FRMD5: variants seen among roughly 807,000 people sequenced by gnomAD.
FRMD5 encodes the protein FERM domain-containing protein 5.
FRMD5 carries 20 observed loss-of-function variants against 69.0 expected under a neutral mutation model. That is an observed-to-expected ratio of 0.29 (90% CI 0.20 to 0.42). The LOEUF (loss-of-function observed/expected upper bound fraction) is 0.42, where lower values mean the gene tolerates loss of function less well. FRMD5 is among the 10% of genes least tolerant of loss of function. The pLI is 1.00. For synonymous variants in FRMD5, 271 were observed against 260.1 expected (o/e 1.04, Z -0.40); for missense variants, 595 against 708.6 (o/e 0.84, Z 1.82).
chr15:44,143,752 C>T (rs142794142), intron 1 of FRMD5, among the ~76,000 whole-genome samples: 2 of 151,134 alleles, frequency 1.3e-5, no homozygotes, highest in African/African-American at 2.4e-5. Context: ...GGTGAAACCC[C>T]GTCTCCACTA....
At chr15:44,001,994 C>T (rs865808604) in intron 1 of FRMD5, among the ~76,000 whole-genome samples, 1 of 152,282 alleles carries the variant, frequency 6.6e-6, no homozygotes, top group Middle Eastern at 3.4e-3. Flanking sequence ...GTGCGAGCCA[C>T]CGCACCCAGT....
chr15:44,003,620 T>C (rs972281889), intron 1 of FRMD5, among the ~76,000 whole-genome samples: 7 of 152,324 alleles, frequency 4.6e-5, no homozygotes, highest in Non-Finnish European at 1.0e-4. Flanking sequence ...CCCTTGGCTA[T>C]GATTCCTCTG....
intron 1 of FRMD5, among the ~76,000 whole-genome samples, chr15:44,073,099 C>T (rs1445055604): frequency 6.6e-6 from 1 of 152,152 alleles, no homozygotes; most frequent in Non-Finnish European, 1.5e-5. Context: ...CATGCCACTG[C>T]ACTCCAGCCT....
chr15:44,052,030 T>C (rs1209576807), intron 1 of FRMD5, among the ~76,000 whole-genome samples: 2 of 152,126 alleles, frequency 1.3e-5, no homozygotes, highest in African/African-American at 4.8e-5. Context: ...TAAGTCACTA[T>C]GTACAGCCCA....
At chr15:44,181,588 C>G (rs767563325) in intron 1 of FRMD5, among the ~76,000 whole-genome samples, 1 of 152,066 alleles carries the variant, frequency 6.6e-6, no homozygotes, top group Non-Finnish European at 1.5e-5. Flanking sequence ...GCAACCCTCA[C>G]CACTAACTAA....
At chr15:44,002,064 T>A (rs1454833858) in intron 1 of FRMD5, among the ~76,000 whole-genome samples, 4 of 152,164 alleles carry the variant, frequency 2.6e-5, no homozygotes, top group Admixed American at 1.3e-4. Flanking sequence ...CCCCTTCAAG[T>A]TGTTTCCTGT....
At chr15:43,981,878 C>T (rs577828032) in intron 1 of FRMD5, among the ~76,000 whole-genome samples, 3 of 152,302 alleles carry the variant, frequency 2.0e-5, no homozygotes, top group East Asian at 3.9e-4. Context: ...TGTTTTAAAC[C>T]TTTAAACCTC....
At chr15:43,994,730 C>A (rs914488342) in intron 1 of FRMD5, among the ~76,000 whole-genome samples, 1 of 152,230 alleles carries the variant, frequency 6.6e-6, no homozygotes, top group Non-Finnish European at 1.5e-5. Context: ...CTGCACCCTG[C>A]GCTTAGCATT....
At chr15:44,065,042 TC>T (rs1893251274) in intron 1 of FRMD5, among the ~76,000 whole-genome samples, 1 of 152,338 alleles carries the variant, frequency 6.6e-6, no homozygotes, top group East Asian at 1.9e-4. Flanking sequence ...GAGCACAGGC[TC>T]TGGAGTCAGA....
upstream of FRMD5, among the ~76,000 whole-genome samples, chr15:44,196,732 T>A: frequency 8.1e-6 from 1 of 123,920 alleles, no homozygotes; most frequent in African/African-American, 3.4e-5. Flanking sequence ...TTCTCTTTCA[T>A]TCTCTCTCTC....
chr15:44,047,551 T>G (rs1219752910), intron 1 of FRMD5, among the ~76,000 whole-genome samples: 1 of 152,162 alleles, frequency 6.6e-6, no homozygotes, highest in Non-Finnish European at 1.5e-5. Context: ...GACAAACAAT[T>G]CTTTTTCAAA....
At chr15:44,001,496 CT>C (rs945567042) in intron 1 of FRMD5, among the ~76,000 whole-genome samples, 2 of 151,768 alleles carry the variant, frequency 1.3e-5, no homozygotes, top group East Asian at 1.9e-4. Context: ...TGTCATGGAG[CT>C]TTCCCCCTAT....
chr15:44,096,167 T>C (rs529388729), intron 1 of FRMD5, among the ~76,000 whole-genome samples: 8 of 137,758 alleles, frequency 5.8e-5, no homozygotes, highest in African/African-American at 1.4e-4. Flanking sequence ...TATCACGCCA[T>C]TGCACTCCAG....
chr15:44,163,351 A>T (rs1340560295), intron 1 of FRMD5, among the ~76,000 whole-genome samples: 1 of 152,226 alleles, frequency 6.6e-6, no homozygotes, highest in Non-Finnish European at 1.5e-5. Context: ...GGCAGAGAAT[A>T]GGTCTGTCTG....
At chr15:43,993,302 C>T (rs1210125685) in intron 1 of FRMD5, among the ~76,000 whole-genome samples, 1 of 152,138 alleles carries the variant, frequency 6.6e-6, no homozygotes, top group Non-Finnish European at 1.5e-5. Context: ...AAGCAATTCT[C>T]CTGCCTCAGC....
intron 6 of FRMD5, among the ~76,000 whole-genome samples, chr15:43,902,472 T>C (rs1245624941): frequency 6.6e-6 from 1 of 152,062 alleles, no homozygotes; most frequent in East Asian, 1.9e-4. Context: ...GGCTACATAA[T>C]GAATTACTTG....
At chr15:43,906,789 G>T (rs2089184585) in intron 5 of FRMD5, among the ~76,000 whole-genome samples, 1 of 139,054 alleles carries the variant, frequency 7.2e-6, no homozygotes, top group Non-Finnish European at 1.5e-5. Flanking sequence ...TTTTAGTAGA[G>T]ACGGGGTTTC....
intron 1 of FRMD5, among the ~76,000 whole-genome samples, chr15:44,134,756 G>A (rs1314127500): frequency 2.6e-5 from 4 of 152,156 alleles, no homozygotes; most frequent in Non-Finnish European, 5.9e-5. Context: ...AGCCCCGAGA[G>A]GTGTACTTTA....
chr15:44,019,456 C>T (rs1891111267), intron 1 of FRMD5, among the ~76,000 whole-genome samples: 1 of 151,152 alleles, frequency 6.6e-6, no homozygotes, highest in African/African-American at 2.4e-5. Flanking sequence ...AAAGAAAGGG[C>T]CAGGCACGGT....
Sources: allele counts gnomAD v4.1 joint callset (sites outside exome capture counted in the v4.1 genomes callset), GRCh38; gene constraint gnomAD v4.1.1; transcripts MANE v1.5; gene names NCBI Gene and HGNC (gene_info 2026-07-23, HGNC 2026-07-21).